The following ARHGEF28 variants were observed in gnomAD, a reference collection of about 807,000 sequenced individuals.
The protein encoded by ARHGEF28 is Rho guanine nucleotide exchange factor 28.
Under a neutral mutation model 206.6 loss-of-function variants are expected in ARHGEF28, and 152 were observed. The observed-to-expected ratio is 0.74, with a 90% CI of 0.64 to 0.84. ARHGEF28 has a LOEUF of 0.84. ARHGEF28 is among the 40% of genes least tolerant of loss of function. The pLI, the probability that ARHGEF28 is intolerant of heterozygous loss-of-function variation, is 0.00. For missense variants in ARHGEF28, 2,028 were observed against 2,073.2 expected (o/e 0.98, Z 0.42); for synonymous variants, 763 against 776.4 (o/e 0.98, Z 0.29).
At chr5:73,926,991 T>C (rs1763850832) in intron 35 of ARHGEF28, among the ~76,000 whole-genome samples, 1 of 152,132 alleles carries the variant, frequency 6.6e-6, no homozygotes, top group South Asian at 2.1e-4. Context: ...TACATGGTAA[T>C]GCCATAGCTC....
intron 1 of ARHGEF28, among the ~76,000 whole-genome samples, chr5:73,647,418 C>T (rs757932215): frequency 6.6e-6 from 1 of 152,210 alleles, no homozygotes. Context: ...GTGTTAGTCT[C>T]ATTAGCCAAA....
rs529285153 is a variant in ARHGEF28 at position 73,879,655 on chromosome 5, C to T, written c.2815-2817C>T. Among the ~76,000 whole-genome samples, 98 of 152,314 alleles carry T rather than the reference C, an allele frequency of 6.4e-4. 1 individual carries two copies. Among genetic ancestry groups the T allele is most frequent in the Middle Eastern group, 3.4e-3 (1 of 294 alleles). On this transcript the variant is annotated intron_variant, in intron 22 of 35. Coordinates refer to ENST00000513042, the MANE Select transcript of ARHGEF28 (RefSeq NM_001177693.2). The stretch of plus-strand genomic sequence containing the variant: ...TTTTCCTTCTAACGGACAGGACCTT[C>T]AGCTGCAGGTCTGTTGGAGTTTGCT...
At chr5:73,646,059 T>C (rs1480868551) in intron 1 of ARHGEF28, among the ~76,000 whole-genome samples, 1 of 152,078 alleles carries the variant, frequency 6.6e-6, no homozygotes, top group Non-Finnish European at 1.5e-5. Flanking sequence ...GCACCCCACT[T>C]CCCTGCTGCA....
intron 2 of ARHGEF28, among the ~76,000 whole-genome samples, chr5:73,730,534 ATTTT>A (rs968990208): frequency 8.5e-6 from 1 of 117,416 alleles, no homozygotes; most frequent in Admixed American, 8.7e-5. Context: ...CATAAGGAGG[ATTTT>A]TTTTTTTTTT....
intron 1 of ARHGEF28, among the ~76,000 whole-genome samples, chr5:73,645,483 G>A (rs1232895653): frequency 5.3e-5 from 8 of 152,060 alleles, no homozygotes; most frequent in African/African-American, 9.7e-5. Flanking sequence ...TGATAGTTTA[G>A]AGTAATAAGA....
At chr5:73,742,680 C>G (rs906919884) in intron 2 of ARHGEF28, among the ~76,000 whole-genome samples, 1 of 150,618 alleles carries the variant, frequency 6.6e-6, no homozygotes, top group South Asian at 2.1e-4. Context: ...AAAACTTAGC[C>G]GGGCGCGGTG....
intron 2 of ARHGEF28, among the ~76,000 whole-genome samples, chr5:73,713,679 A>T (rs1230915349): frequency 2.0e-5 from 3 of 152,210 alleles, no homozygotes; most frequent in Non-Finnish European, 4.4e-5. Context: ...AAAGGTCACT[A>T]AAGGGTAGGC....
chr5:73,707,159 C>T (rs114318900), intron 2 of ARHGEF28, among the ~76,000 whole-genome samples: 12 of 152,316 alleles, frequency 7.9e-5, no homozygotes, highest in African/African-American at 2.9e-4. Flanking sequence ...ACATGCTCTA[C>T]CCTACGCGAG....
In ARHGEF28 at chr5:73,670,932, C is replaced by T. The variant is rs975874361; in HGVS notation, c.-11-13909C>T. Among the ~76,000 whole-genome samples, 3 of 152,256 alleles carry T rather than the reference C, an allele frequency of 2.0e-5. No individual in the cohort carries two copies. In the East Asian group the frequency reaches 5.8e-4, roughly 29 times the overall value. ...GGAGCATGTCTTTTCATCCTCCTTA[C>T]ATGGGCTTTCACAGAGCGAAATTTT... On this transcript the variant is annotated intron_variant, in intron 1 of 35. Coordinates refer to ENST00000513042, the MANE Select transcript of ARHGEF28 (RefSeq NM_001177693.2).
At chr5:73,695,626 G>C (rs1448283440) in intron 2 of ARHGEF28, among the ~76,000 whole-genome samples, 1 of 152,174 alleles carries the variant, frequency 6.6e-6, no homozygotes, top group Non-Finnish European at 1.5e-5. Flanking sequence ...TCTCCCAGGT[G>C]TCCTGCTTTA....
chr5:73,653,495 T>G (rs1744964333), intron 1 of ARHGEF28, among the ~76,000 whole-genome samples: 2 of 152,192 alleles, frequency 1.3e-5, no homozygotes, highest in Non-Finnish European at 2.9e-5. Context: ...GGGATGGAGA[T>G]TCCTGTCCTC....
At chr5:73,864,222 C>G (rs1350738632) in intron 16 of ARHGEF28, among the ~76,000 whole-genome samples, 1 of 152,132 alleles carries the variant, frequency 6.6e-6, no homozygotes, top group Non-Finnish European at 1.5e-5. Flanking sequence ...AAAGTATTCC[C>G]TTACATTCTT....
chr5:73,923,065 T>C (rs1580108949), intron 35 of ARHGEF28: 2 of 1,532,662 alleles, frequency 1.3e-6, no homozygotes, highest in Non-Finnish European at 1.7e-6. Flanking sequence ...CATCTGGTAA[T>C]GCGGCCATAT....
rs762064040 is a variant in ARHGEF28 at position 73,776,677 on chromosome 5, A to T, written c.821A>T (p.Asp274Val). The change falls in exon 6 of 36, where the codon GAT becomes GTT. Residue 274 changes from aspartate to valine, a missense_variant. By Grantham distance (152) the Asp-to-Val change is radical. This residue lies in a region of ARHGEF28 where 1,002 missense variants were observed against 1,015.3 expected (regional missense o/e 0.99). Coordinates refer to ENST00000513042, the MANE Select transcript of ARHGEF28 (RefSeq NM_001177693.2). ...AAACTCTTCCGGAAATACTTTTGGGATAGAGCCTTTCTTGTCAAGGTTTGT... is the reference window on the plus strand; with the variant it reads ...AAACTCTTCCGGAAATACTTTTGGGTTAGAGCCTTTCTTGTCAAGGTTTGT... ...DIKLFRKYFW[D>V]RAFLVKAFEP... 6.2e-7 allele frequency: 1 copy of T among 1,613,220 alleles called. No homozygotes were observed. Among genetic ancestry groups the T allele is most frequent in the East Asian group, 2.2e-5 (1 of 44,872 alleles).
intron 34 of ARHGEF28, 74 bp from the exon 35 acceptor site, chr5:73,911,201 T>G (rs1261494525): frequency 7.4e-7 from 1 of 1,355,852 alleles, no homozygotes; most frequent in Non-Finnish European, 9.9e-7. Flanking sequence ...TAAGATTCTC[T>G]CAGGAATAAA....
chr5:73,705,300 G>A (rs964680398), intron 2 of ARHGEF28, among the ~76,000 whole-genome samples: 1 of 152,172 alleles, frequency 6.6e-6, no homozygotes, highest in Non-Finnish European at 1.5e-5. Flanking sequence ...ACACTTCACT[G>A]CCACCTCTTT....
intron 30 of ARHGEF28, chr5:73,899,680 G>T (rs1762156484): frequency 6.6e-6 from 1 of 152,262 alleles, no homozygotes; most frequent in Admixed American, 6.5e-5. Context: ...GGTCGGTTCT[G>T]CAAATGACTT....
intron 7 of ARHGEF28, chr5:73,786,366 A>C (rs1037914974): frequency 6.6e-6 from 1 of 152,134 alleles, no homozygotes; most frequent in Non-Finnish European, 1.5e-5. Flanking sequence ...TGATCAGTCC[A>C]CTCCCTTACC....
chr5:73,898,980 CAG>C (rs1762114082), intron 30 of ARHGEF28: 1 of 151,972 alleles, frequency 6.6e-6, no homozygotes, highest in Non-Finnish European at 1.5e-5. Flanking sequence ...AAATTGAACT[CAG>C]AACTTCTTTA....
Sources: allele counts gnomAD v4.1 joint callset (sites outside exome capture counted in the v4.1 genomes callset), GRCh38; gene constraint gnomAD v4.1.1; regional missense constraint gnomAD v4.1.1; transcripts MANE v1.5; gene names NCBI Gene and HGNC (gene_info 2026-07-23, HGNC 2026-07-21).